The following RP9 variants were observed in gnomAD, a reference collection of about 807,000 sequenced individuals.
RP9 encodes RP9 pre-mRNA splicing factor, also known as retinitis pigmentosa 9 protein.
Under a neutral mutation model 32.6 loss-of-function variants are expected in RP9, and 23 were observed. The ratio of observed to expected loss-of-function variants is 0.71; its 90% confidence interval spans 0.51 to 1.00. The LOEUF (loss-of-function observed/expected upper bound fraction) is 1.00. RP9 is among the 50% of genes least tolerant of loss of function. The pLI, the probability that RP9 is intolerant of heterozygous loss-of-function variation, is 0.00. For missense variants in RP9, 245 were observed against 285.3 expected (o/e 0.86, Z 1.02); for synonymous variants, 94 against 103.6 (o/e 0.91, Z 0.56).
At position 33,104,563 on chromosome 7, in the gene RP9, C is replaced by A. The variant is rs549296993; in HGVS notation, c.153-4002G>T. Among the ~76,000 whole-genome samples the A allele has an allele frequency of 5.3e-5, 8 of 151,936 alleles. No individual in the cohort carries two copies. The South Asian group carries it at 1.7e-3, about 32-fold the overall frequency. On this transcript the variant is annotated intron_variant, in intron 1 of 5. Coordinates refer to ENST00000297157, the MANE Select transcript of RP9 (RefSeq NM_203288.2). ...TCTTAACGTTTAAGGGTGAGGTGAA[C>A]TTGAACAGGTAACTTATAAAAGAAA... is the stretch of plus-strand genomic sequence containing the variant.
intron 1 of RP9, among the ~76,000 whole-genome samples, chr7:33,102,665 C>T (rs1788444075): frequency 6.6e-6 from 1 of 152,314 alleles, no homozygotes; most frequent in Admixed American, 6.5e-5. Context: ...TTTCAAATTA[C>T]TCTTTCTGTT....
intron 5 of RP9, among the ~76,000 whole-genome samples, chr7:33,095,817 C>G (rs1438747180): frequency 3.3e-5 from 5 of 152,178 alleles, no homozygotes; most frequent in African/African-American, 4.8e-5. Context: ...CCACCTCTCT[C>G]TAATCATGTC....
chr7:33,096,085 C>A (rs1311981674), intron 5 of RP9, among the ~76,000 whole-genome samples: 2 of 152,226 alleles, frequency 1.3e-5, no homozygotes, highest in Non-Finnish European at 2.9e-5. Flanking sequence ...CCGCTGGCCT[C>A]GGCCTCCCAA....
At position 33,099,412 on chromosome 7, in the gene RP9, A is replaced by T. The variant is rs754084436; in HGVS notation, c.208T>A (p.Cys70Ser). ...IKEDETKPED[C>S]IPDVPGNEHA... is the part of the protein sequence containing the mutation. The stretch of plus-strand genomic sequence containing the variant: ...TCATTGCCTGGTACATCTGGTATGC[A>T]ATCTTCTGGCTTAGTCTCATCTTCC... The change falls in exon 3 of 6, where the codon TGC becomes AGC. Residue 70 changes from cysteine (C) to serine (S), a missense_variant. Physicochemically the swap from Cys to Ser is moderately radical, Grantham distance 112. This residue lies in a region of RP9 where 182 missense variants were observed against 175.5 expected (regional missense o/e 1.04). Coordinates refer to ENST00000297157, the MANE Select transcript of RP9 (RefSeq NM_203288.2). 8 of 1,612,668 alleles carry T rather than the reference A, an allele frequency of 5.0e-6. No individual in the cohort carries two copies. Among genetic ancestry groups the T allele is most frequent in the Admixed American group, 1.7e-5 (1 of 59,792 alleles).
Position 33,095,100 on chromosome 7 carries a change from G to A in RP9, c.*134C>T, listed in dbSNP as rs930686216. The A allele has an allele frequency of 2.8e-5, 22 of 796,112 alleles. No individual in the cohort carries two copies. Among genetic ancestry groups the A allele is most frequent in the East Asian group, 4.9e-5 (2 of 41,042 alleles). 49.3% of individuals were successfully genotyped at this position (796,112 alleles called of 1,614,324 possible). A position where few individuals can be genotyped will look rare whatever the true frequency, so the allele number is the denominator to read the frequency against. ...TGGGGTCACATCTTCACTGCAAGGC[G>A]GGTGGGAGCTCACTGCTGTGACCCA... On this transcript the variant is annotated 3_prime_UTR_variant, in exon 6 of 6. Transcript: ENST00000297157.
chr7:33,102,656 T>C (rs1236686865), intron 1 of RP9, among the ~76,000 whole-genome samples: 1 of 152,228 alleles, frequency 6.6e-6, no homozygotes, highest in African/African-American at 2.4e-5. Context: ...TGTTAAGTGT[T>C]TCAAATTACT....
At chr7:33,106,162 T>G (rs898582641) in intron 1 of RP9, among the ~76,000 whole-genome samples, 31 of 146,040 alleles carry the variant, frequency 2.1e-4, no homozygotes, top group African/African-American at 7.0e-4. Flanking sequence ...TATATTGCTG[T>G]TTTTTTTTTG....
intron 3 of RP9, among the ~76,000 whole-genome samples, chr7:33,097,831 G>A (rs1294008503): frequency 6.6e-6 from 1 of 152,046 alleles, no homozygotes; most frequent in Non-Finnish European, 1.5e-5. Context: ...TGTTGCCCAG[G>A]CTGGTCTTCA....
chr7:33,097,343 A>G lies in RP9; in HGVS notation c.333T>C (p.Tyr111=). 6.2e-7 allele frequency: 1 copy of G among 1,613,896 alleles called. No homozygotes were observed. Among genetic ancestry groups the G allele is most frequent in the South Asian group, 1.1e-5 (1 of 91,064 alleles). ...ATTCTTTGTCACCCGTTCGGTGACC[A>G]TAGCGTTTGCAACGCCAACCTAAAA... The part of the protein sequence containing the change: ...KVMQCWRCKR[Y]GHRTGDKECP... The change falls in exon 4 of 6, where the codon TAT becomes TAC. Residue 111 remains tyrosine (Y), a synonymous_variant. Transcript: ENST00000297157.
At chr7:33,096,716 G>T (rs1422219788) in intron 4 of RP9, among the ~76,000 whole-genome samples, 162 bp from the exon 5 acceptor site, 1 of 152,028 alleles carries the variant, frequency 6.6e-6, no homozygotes, top group Non-Finnish European at 1.5e-5. Context: ...AACTCATTAA[G>T]GCTAAAAAAT....
chr7:33,100,156 C>CA (rs959484335), intron 2 of RP9: 1 of 335,844 alleles, frequency 3.0e-6, no homozygotes, highest in Admixed American at 4.5e-5. Context: ...CAGATCTCCT[C>CA]AGAGTTTACT....
chr7:33,105,721 A>G (rs1788489621), intron 1 of RP9, among the ~76,000 whole-genome samples: 1 of 152,150 alleles, frequency 6.6e-6, no homozygotes, highest in African/African-American at 2.4e-5. Context: ...ATCTGAATAG[A>G]CAGGGCTTGC....
intron 1 of RP9, among the ~76,000 whole-genome samples, chr7:33,105,699 G>A (rs1388473198): frequency 2.0e-5 from 3 of 152,096 alleles, no homozygotes; most frequent in African/African-American, 7.2e-5. Flanking sequence ...CGTACACAGA[G>A]AGGCCTGAAA....
intron 2 of RP9, 120 bp from the exon 3 acceptor site, chr7:33,099,556 AC>A: frequency 9.8e-7 from 1 of 1,017,102 alleles, no homozygotes; most frequent in South Asian, 1.3e-5. Flanking sequence ...CATCTTAGTT[AC>A]CCCTCAAAAC....
At chr7:33,102,266 T>G (rs976329556) in intron 1 of RP9, among the ~76,000 whole-genome samples, 1 of 152,236 alleles carries the variant, frequency 6.6e-6, no homozygotes, top group Non-Finnish European at 1.5e-5. Flanking sequence ...AAATACAGAT[T>G]AGAAAACTGA....
At chr7:33,102,138 A>C (rs1209395683) in intron 1 of RP9, among the ~76,000 whole-genome samples, 1 of 152,202 alleles carries the variant, frequency 6.6e-6, no homozygotes, top group East Asian at 1.9e-4. Context: ...CCCAAAGTCC[A>C]TTTTACAAGT....
At chr7:33,103,727 G>T (rs1488911992) in intron 1 of RP9, among the ~76,000 whole-genome samples, 1 of 152,180 alleles carries the variant, frequency 6.6e-6, no homozygotes, top group African/African-American at 2.4e-5. Flanking sequence ...GCTGATTCAG[G>T]GGGGATCACT....
chr7:33,102,108 A>T (rs1010544160), intron 1 of RP9, among the ~76,000 whole-genome samples: 5 of 152,224 alleles, frequency 3.3e-5, no homozygotes, highest in African/African-American at 1.2e-4. Context: ...TGGAAATATA[A>T]TATTATCAGC....
At chr7:33,106,710 C>T (rs1788504178) in intron 1 of RP9, among the ~76,000 whole-genome samples, 1 of 152,260 alleles carries the variant, frequency 6.6e-6, no homozygotes, top group Non-Finnish European at 1.5e-5. Flanking sequence ...CTTTGGGAGG[C>T]TGAGGTGGGC....
Sources: allele counts gnomAD v4.1 joint callset (sites outside exome capture counted in the v4.1 genomes callset), GRCh38; gene constraint gnomAD v4.1.1; regional missense constraint gnomAD v4.1.1; transcripts MANE v1.5; gene names NCBI Gene and HGNC (gene_info 2026-07-23, HGNC 2026-07-21).